Variants in STRN observed in about 807,000 individuals in gnomAD.
STRN encodes striatin.
STRN carries 53 observed loss-of-function variants against 96.3 expected under a neutral mutation model. The observed-to-expected ratio is 0.55, with a 90% CI of 0.44 to 0.69. STRN has a LOEUF of 0.69. STRN is among the 30% of genes least tolerant of loss of function. STRN has a pLI of 0.00. For missense variants in STRN, 987 were observed against 963.9 expected (o/e 1.02, Z -0.32); for synonymous variants, 428 against 355.9 (o/e 1.20, Z -2.28).
intron 3 of STRN, among the ~76,000 whole-genome samples, chr2:36,906,237 G>A (rs920440001): frequency 6.6e-6 from 1 of 152,160 alleles, no homozygotes; most frequent in Admixed American, 6.5e-5. Context: ...GCCAAGGCAG[G>A]TGGATCTCTA....
At position 36,848,256 on chromosome 2, in the gene STRN, T is replaced by C. The variant is rs527457017; in HGVS notation, c.*1200A>G. The C allele has an allele frequency of 6.6e-6, 1 of 152,346 alleles. No individual in the cohort carries two copies. The highest frequency in any genetic ancestry group is 1.9e-4 in the East Asian group (1 of 5,190). 9.4% of individuals were successfully genotyped at this position (152,346 alleles called of 1,614,324 possible). A position where few individuals can be genotyped will look rare whatever the true frequency, so the allele number is the denominator to read the frequency against. On this transcript the variant is annotated 3_prime_UTR_variant, in exon 18 of 18. Transcript: ENST00000263918. ...AGGGAGAGAGAAAGACAGAACTTTT[T>C]AGCCAATATTTGGCATTAAACTCTT...
intron 8 of STRN, among the ~76,000 whole-genome samples, chr2:36,885,817 T>C (rs75727506): frequency 6.6e-6 from 1 of 152,138 alleles, no homozygotes; most frequent in Non-Finnish European, 1.5e-5. Flanking sequence ...CTCACTAAGT[T>C]AGATTTTAAT....
In STRN at chr2:36,838,640, C is replaced by T. The variant is rs1448067457; in HGVS notation, c.*10816G>A. ...CTGATGGAAATAAAAACTGTTCCGG[C>T]CACTTTGGGAAACAATCTGTCAATA... On this transcript the variant is annotated 3_prime_UTR_variant, in exon 18 of 18. Transcript: ENST00000263918. Among the ~76,000 whole-genome samples the T allele has an allele frequency of 6.6e-6, 1 of 151,966 alleles. No individual in the cohort carries two copies. Among genetic ancestry groups the T allele is most frequent in the East Asian group, 1.9e-4 (1 of 5,200 alleles).
intron 9 of STRN, among the ~76,000 whole-genome samples, chr2:36,881,402 A>T (rs1045662606): frequency 6.6e-6 from 1 of 152,146 alleles, no homozygotes; most frequent in Non-Finnish European, 1.5e-5. Context: ...TGCTGGGATT[A>T]CAGGCGTGAG....
At chr2:36,925,808 C>T (rs1311952977) in intron 1 of STRN, among the ~76,000 whole-genome samples, 1 of 152,106 alleles carries the variant, frequency 6.6e-6, no homozygotes, top group Admixed American at 6.6e-5. Context: ...TTAATGCAAA[C>T]AAATGCAAGG....
At chr2:36,860,872 C>G (rs902539307) in intron 13 of STRN, among the ~76,000 whole-genome samples, 1 of 152,160 alleles carries the variant, frequency 6.6e-6, no homozygotes, top group Non-Finnish European at 1.5e-5. Flanking sequence ...AAACAACTGT[C>G]AGTCAAGCCT....
intron 7 of STRN, among the ~76,000 whole-genome samples, chr2:36,890,479 T>A (rs1669362407): frequency 1.5e-5 from 2 of 131,876 alleles, no homozygotes; most frequent in South Asian, 2.6e-4. Flanking sequence ...CCAGAAAACT[T>A]TTTTTTTTTT....
chr2:36,912,667 A>C (rs976598567), intron 3 of STRN, among the ~76,000 whole-genome samples: 8 of 152,110 alleles, frequency 5.3e-5, no homozygotes, highest in African/African-American at 1.9e-4. Flanking sequence ...TTCAACTCCA[A>C]TGGCCTTGAG....
At chr2:36,904,838 CTGAATGAATGAATGAA>C (rs150507744) in intron 4 of STRN, among the ~76,000 whole-genome samples, 9 of 151,796 alleles carry the variant, frequency 5.9e-5, no homozygotes, top group Admixed American at 4.6e-4. Flanking sequence ...AAATGAATGA[CTGAATGAATGAATGAA>C]TGAATGAATG....
intron 12 of STRN, among the ~76,000 whole-genome samples, chr2:36,864,022 CTGAAGT>C: frequency 6.6e-6 from 1 of 152,210 alleles, no homozygotes; most frequent in Non-Finnish European, 1.5e-5. Context: ...CAGAAATTTG[CTGAAGT>C]TGTTTTATCA....
At chr2:36,878,138 T>A in intron 9 of STRN, 111 bp from the exon 10 acceptor site, 1 of 1,170,298 alleles carries the variant, frequency 8.5e-7, no homozygotes, top group East Asian at 2.4e-5. Flanking sequence ...TAATTGTTTT[T>A]AAATGCTTTT....
chr2:36,877,929 G>C lies in STRN; in HGVS notation c.1285C>G (p.Leu429Val), dbSNP rs1166556515. The C allele has an allele frequency of 8.7e-6, 14 of 1,614,040 alleles. No individual in the cohort carries two copies. Among genetic ancestry groups the C allele is most frequent in the Non-Finnish European group, 1.2e-5 (14 of 1,180,030 alleles). Residue 429 changes from leucine (L) to valine (V), a missense_variant, in exon 10 of 18, where the codon CTT (leucine) becomes GTT (valine). By Grantham distance (32) the Leu-to-Val change is conservative (BLOSUM62 1). Transcript: ENST00000263918. Reference sequence around the variant, plus strand: ...GAGTCTGCTTCATTGGCCACCGTAAGGCCTGCTAGTTCTCCAAGTCCCAGT... The same window carrying C: ...GAGTCTGCTTCATTGGCCACCGTAACGCCTGCTAGTTCTCCAAGTCCCAGT... ...SELGLGELAG[L>V]TVANEADSLT... is the part of the protein sequence containing the mutation.
At chr2:36,892,589 G>A (rs377211616) in intron 7 of STRN, among the ~76,000 whole-genome samples, 1 of 152,234 alleles carries the variant, frequency 6.6e-6, no homozygotes, top group East Asian at 1.9e-4. Flanking sequence ...CTAATCTTCA[G>A]TTATTCACAC....
At chr2:36,856,755 A>G (rs998705991) in intron 14 of STRN, among the ~76,000 whole-genome samples, 2 of 152,306 alleles carry the variant, frequency 1.3e-5, no homozygotes, top group South Asian at 2.1e-4. Context: ...ATAATCCCCA[A>G]TATTGGAGAT....
chr2:36,886,371 A>C (rs898689385), intron 8 of STRN, among the ~76,000 whole-genome samples: 21 of 152,182 alleles, frequency 1.4e-4, no homozygotes, highest in African/African-American at 4.8e-4. Context: ...AATGAGTTAT[A>C]AATTGTCAAT....
intron 3 of STRN, among the ~76,000 whole-genome samples, chr2:36,914,347 G>A: frequency 6.6e-6 from 1 of 152,094 alleles, no homozygotes; most frequent in East Asian, 1.9e-4. Flanking sequence ...CTCCTAAATT[G>A]ATATCCAAAA....
chr2:36,924,339 G>C (rs894936438), intron 2 of STRN, among the ~76,000 whole-genome samples: 2 of 138,584 alleles, frequency 1.4e-5, no homozygotes, highest in African/African-American at 2.8e-5. Flanking sequence ...ATGGGCGACA[G>C]AGTGAGACTC....
Position 36,925,536 on chromosome 2 carries a change from G to T in STRN, c.235-328C>A, listed in dbSNP as rs539379103. On this transcript the variant is annotated intron_variant, in intron 1 of 17. Transcript: ENST00000263918. ...TCACACCTGTAATCCCAGCACTTTG[G>T]GAGGCTGAGGCGGGTGGATCACTTG... 7.8e-4 allele frequency among the ~76,000 whole-genome samples: 118 copies of T among 152,240 alleles called. 2 individuals are homozygous for T. Among genetic ancestry groups the T allele is most frequent in the South Asian group, 4.4e-3 (21 of 4,818 alleles).
rs1254133347 is a variant in STRN, at chr2:36,848,266, T to C, written c.*1190A>G. The C allele has an allele frequency of 2.0e-5, 3 of 152,204 alleles. No homozygotes were observed. Among genetic ancestry groups the C allele is most frequent in the African/African-American group, 4.8e-5 (2 of 41,454 alleles). The allele number at this position is 152,204 out of a possible 1,614,324, so 9.4% of individuals were successfully genotyped here. ...AAAGACAGAACTTTTTAGCCAATAT[T>C]TGGCATTAAACTCTTTCATCCAGGT... On this transcript the variant is annotated 3_prime_UTR_variant, in exon 18 of 18. Transcript: ENST00000263918.
Sources: gnomAD v4.1 joint callset for allele counts (sites outside exome capture counted in the v4.1 genomes callset) on GRCh38, gnomAD v4.1.1 for gene constraint, MANE v1.5 for transcripts, NCBI Gene and HGNC (gene_info 2026-07-23, HGNC 2026-07-21) for gene names.